DRC7: variants seen among roughly 807,000 people sequenced by gnomAD.
DRC7 encodes the protein dynein regulatory complex subunit 7, also known as coiled-coil domain containing 135.
A neutral mutation model predicts 104.4 loss-of-function variants in DRC7; 80 were observed. That is an observed-to-expected ratio of 0.77 (90% confidence interval 0.64 to 0.92). The LOEUF is 0.92. Ranked by LOEUF, DRC7 falls within the 40% of genes least tolerant of loss-of-function variation. The probability of loss-of-function intolerance (pLI) is 0.00; values close to 1 mark genes in which losing one functional copy is unlikely to be tolerated. For missense variants in DRC7, 1,034 were observed against 1,141.1 expected (o/e 0.91, Z 1.35); for synonymous variants, 405 against 447.3 (o/e 0.91, Z 1.19).
At position 57,702,141 on chromosome 16, in the gene DRC7, G is replaced by C. The variant is rs2048666775; in HGVS notation, c.699+11G>C. The C allele has an allele frequency of 6.2e-7, 1 of 1,613,038 alleles. No homozygotes were observed. The highest frequency in any genetic ancestry group is 8.5e-7 in the Non-Finnish European group (1 of 1,179,454). ...GTGAAGCCCAAGGAGGTATGGTCGG[G>C]CTTGAGCTGCCCGGGTTTCCCAAAG... On this transcript the variant is annotated intron_variant, in intron 6 of 18. Coordinates refer to ENST00000360716, the MANE Select transcript of DRC7 (RefSeq NM_001289162.2).
At chr16:57,701,831 A>C (rs1287906825) in intron 5 of DRC7, 105 bp from the exon 6 acceptor site, 2 of 982,702 alleles carry the variant, frequency 2.0e-6, no homozygotes, top group Non-Finnish European at 3.1e-6. Flanking sequence ...CAGCCTGTGC[A>C]TTGGTCCTGG....
At chr16:57,726,792 T>C (rs764227534) in intron 14 of DRC7, 40 bp from the exon 15 acceptor site, 10 of 1,361,174 alleles carry the variant, frequency 7.3e-6, no homozygotes, top group Non-Finnish European at 3.1e-6. Context: ...GCCCCGATCA[T>C]GGCAGCCTCT....
intron 6 of DRC7, among the ~76,000 whole-genome samples, chr16:57,702,760 C>T (rs1447034314): frequency 3.3e-5 from 5 of 152,108 alleles, no homozygotes; most frequent in Non-Finnish European, 5.9e-5. Context: ...TGAGATTGCG[C>T]CATTGCACTC....
chr16:57,727,902 A>C (rs889722798), intron 16 of DRC7, among the ~76,000 whole-genome samples: 1 of 152,248 alleles, frequency 6.6e-6, no homozygotes, highest in African/African-American at 2.4e-5. Flanking sequence ...TGGGCATCAG[A>C]TGACTGTTCT....
At chr16:57,728,608 GA>G (rs780126738) in intron 17 of DRC7, 24 bp downstream of exon 17, 9 of 1,541,236 alleles carry the variant, frequency 5.8e-6, no homozygotes, top group South Asian at 1.2e-5. Context: ...CTTTGTTGGG[GA>G]GGGGGGGATC....
chr16:57,727,032 C>T (rs1257943830), intron 15 of DRC7, 90 bp downstream of exon 15: 12 of 827,976 alleles, frequency 1.4e-5, no homozygotes, highest in Middle Eastern at 5.2e-4. Flanking sequence ...AATGCAGTGG[C>T]GCAATTATGG....
At chr16:57,695,070 A>G (rs780287852) in intron 1 of DRC7, among the ~76,000 whole-genome samples, 16 of 151,866 alleles carry the variant, frequency 1.1e-4, no homozygotes, top group Non-Finnish European at 1.9e-4. Flanking sequence ...AATCTAAGGA[A>G]CCTTGAGATA....
chr16:57,714,781 G>T (rs2048824391), intron 8 of DRC7: 3 of 427,612 alleles, frequency 7.0e-6, no homozygotes, highest in South Asian at 1.8e-5. Flanking sequence ...TAATCTTATG[G>T]CTGTCAACAG....
rs529135328 is a variant in DRC7, at chr16:57,704,015, C to T, written c.700-861C>T. On this transcript the variant is annotated intron_variant, in intron 6 of 18. Coordinates refer to ENST00000360716, the MANE Select transcript of DRC7 (RefSeq NM_001289162.2). Reference sequence around the variant, plus strand: ...AGCCTCTGAGCTCCCACCCGGGCATCTCAGCTCTCAGCTCAGCCAAAAGCT... The same window carrying T: ...AGCCTCTGAGCTCCCACCCGGGCATTTCAGCTCTCAGCTCAGCCAAAAGCT... Among the ~76,000 whole-genome samples the T allele has an allele frequency of 2.7e-5, 4 of 149,056 alleles. No homozygotes were observed. The East Asian group carries it at 8.0e-4, about 30-fold the overall frequency.
Position 57,705,039 on chromosome 16 carries a change from G to C in DRC7, c.858+5G>C. 1 of 1,611,024 alleles carries C rather than the reference G, an allele frequency of 6.2e-7. No homozygotes were observed. Among genetic ancestry groups the C allele is most frequent in the Non-Finnish European group, 8.5e-7 (1 of 1,179,506 alleles). ...GAGGAGGAGGAGCGCCTCATGGTGGGTCCTCAGCCCTGAATCCCCTGGGCT... is the reference window on the plus strand; with the variant it reads ...GAGGAGGAGGAGCGCCTCATGGTGGCTCCTCAGCCCTGAATCCCCTGGGCT... On this transcript the variant is annotated splice_donor_5th_base_variant and intron_variant, in intron 7 of 18. Coordinates refer to ENST00000360716, the MANE Select transcript of DRC7 (RefSeq NM_001289162.2).
At chr16:57,718,740 G>A (rs948167645) in intron 9 of DRC7, among the ~76,000 whole-genome samples, 1 of 152,106 alleles carries the variant, frequency 6.6e-6, no homozygotes, top group Non-Finnish European at 1.5e-5. Context: ...CCCCCATATC[G>A]TCCACCTTGT....
chr16:57,701,909 C>G (rs1381638562), intron 5 of DRC7, 27 bp from the exon 6 acceptor site: 1 of 1,602,348 alleles, frequency 6.2e-7, no homozygotes, highest in South Asian at 1.1e-5. Context: ...GGGGCCCCAG[C>G]TGTGCTGACC....
At chr16:57,727,793 A>T (rs536803829) in intron 16 of DRC7, among the ~76,000 whole-genome samples, 2 of 152,272 alleles carry the variant, frequency 1.3e-5, no homozygotes, top group East Asian at 3.9e-4. Context: ...TTCAGGTTAC[A>T]CCTTCAGGTT....
Position 57,715,417 on chromosome 16 carries a change from G to A in DRC7, c.1078-2930G>A, listed in dbSNP as rs565426808. Reference sequence around the variant, plus strand: ...ATAAGTAAATAAGTGTCAGAGGGGCGACTGCCAGCCCCTGCGGGAGACAGG... The same window carrying A: ...ATAAGTAAATAAGTGTCAGAGGGGCAACTGCCAGCCCCTGCGGGAGACAGG... On this transcript the variant is annotated intron_variant, in intron 8 of 18. Coordinates refer to ENST00000360716, the MANE Select transcript of DRC7 (RefSeq NM_001289162.2). Among the ~76,000 whole-genome samples, 13 of 152,276 alleles carry A rather than the reference G, an allele frequency of 8.5e-5. No homozygotes were observed. In the South Asian group the frequency reaches 1.7e-3, roughly 19 times the overall value.
Position 57,728,585 on chromosome 16 carries a change from G to T in DRC7, c.2391+1G>T. The T allele has an allele frequency of 6.3e-7, 1 of 1,585,422 alleles. No individual in the cohort carries two copies. The highest frequency in any genetic ancestry group is 8.6e-7 in the Non-Finnish European group (1 of 1,162,930). On this transcript the variant is annotated splice_donor_variant, in intron 17 of 18. Transcript: ENST00000360716. LOFTEE classifies it high-confidence loss of function. ...CCTCATCCAGGCCCGCTTTGAGAAG[G>T]TGCCACCAGGGCCTTTGTTGGGGAG...
Position 57,707,624 on chromosome 16 carries a change from G to A in DRC7, c.1023G>A (p.Leu341=). The stretch of plus-strand genomic sequence containing the variant: ...AGCACTTCCTGGGCATCGAAAGCCT[G>A]TGGAACCACAAGAACTACTGGATCA... The part of the protein sequence containing the change: ...QDEHFLGIES[L]WNHKNYWINM... The change falls in exon 8 of 19, where the codon CTG becomes CTA. Residue 341 remains leucine, a synonymous_variant. Coordinates refer to ENST00000360716, the MANE Select transcript of DRC7 (RefSeq NM_001289162.2). 1.2e-6 allele frequency: 2 copies of A among 1,613,612 alleles called. No homozygotes were observed. The highest frequency in any genetic ancestry group is 1.7e-6 in the Non-Finnish European group (2 of 1,180,028).
chr16:57,694,874 T>C (rs1411476227), intron 1 of DRC7, 22 bp downstream of exon 1: 1 of 152,068 alleles, frequency 6.6e-6, no homozygotes, highest in Non-Finnish European at 1.5e-5. Context: ...GCAAGGGACT[T>C]GGGGTGGCTG....
rs7196016 is a variant in DRC7, at chr16:57,701,988, G to C, written c.557G>C (p.Cys186Ser). The change falls in exon 6 of 19, where the codon TGC becomes TCC. Residue 186 changes from cysteine to serine, a missense_variant. By Grantham distance (112) the Cys-to-Ser change is moderately radical. Transcript: ENST00000360716. ...TTVLKYQKGN[C>S]FDFSTLLCSM... ...GTGCTCAAGTACCAGAAGGGGAACT[G>C]CTTTGACTTCAGTACGCTGCTCTGC... is the stretch of plus-strand genomic sequence containing the variant. 0.27 allele frequency: 430,918 copies of C among 1,613,774 alleles called. 59,164 individuals carry two copies. The highest frequency in any genetic ancestry group is 0.42 in the East Asian group (18,615 of 44,854).
chr16:57,729,589 G>GAT (rs1233498357), intron 17 of DRC7, among the ~76,000 whole-genome samples: 1 of 96,446 alleles, frequency 1.0e-5, no homozygotes, highest in Non-Finnish European at 1.9e-5. Flanking sequence ...TGAGTGGGTG[G>GAT]GTGGATGGAT....
Sources: allele counts gnomAD v4.1 joint callset (sites outside exome capture counted in the v4.1 genomes callset), GRCh38; gene constraint gnomAD v4.1.1; transcripts MANE v1.5; gene names NCBI Gene and HGNC (gene_info 2026-07-23, HGNC 2026-07-21).